CSF1: variants seen among roughly 807,000 people sequenced by gnomAD.
CSF1 encodes the protein macrophage colony-stimulating factor 1.
Under a neutral mutation model 48.9 loss-of-function variants are expected in CSF1, and 9 were observed. The observed-to-expected ratio is 0.18, with a 90% CI of 0.11 to 0.32. CSF1 has a LOEUF of 0.32. Ranked by LOEUF, CSF1 falls within the 10% of genes least tolerant of loss-of-function variation. CSF1 has a pLI of 1.00. For missense variants in CSF1, 672 were observed against 697.9 expected (o/e 0.96, Z 0.42); for synonymous variants, 305 against 284.1 (o/e 1.07, Z -0.74).
chr1:109,923,237 T>C lies in CSF1; in HGVS notation c.616T>C (p.Ser206Pro). 1 of 1,578,872 alleles carries C rather than the reference T, an allele frequency of 6.3e-7. No individual in the cohort carries two copies. Among genetic ancestry groups the C allele is most frequent in the African/African-American group, 1.4e-5 (1 of 73,820 alleles). Residue 206 changes from serine (S) to proline (P), a missense_variant, in exon 6 of 9, where the codon TCC (serine) becomes CCC (proline). Physicochemically the swap from Ser to Pro is moderately conservative, Grantham distance 74 (BLOSUM62 -1). Coordinates refer to ENST00000329608, the MANE Select transcript of CSF1 (RefSeq NM_000757.6). ...AIPSSDPASV[S>P]PHQPLAPSMA... ...CCCTAGCAGTGACCCGGCCTCTGTC[T>C]CCCCTCATCAGCCCCTCGCCCCCTC...
intron 4 of CSF1, among the ~76,000 whole-genome samples, chr1:109,920,581 T>A (rs1385270364): frequency 6.6e-6 from 1 of 152,166 alleles, no homozygotes; most frequent in African/African-American, 2.4e-5. Context: ...CCTCCCAACA[T>A]GCTGGGATTA....
At chr1:109,916,025 A>C (rs1030121162) in intron 3 of CSF1, among the ~76,000 whole-genome samples, 1 of 152,064 alleles carries the variant, frequency 6.6e-6, no homozygotes, top group Non-Finnish European at 1.5e-5. Flanking sequence ...TAGAGGCCTG[A>C]TTTGAATCCA....
At chr1:109,922,270 G>T in intron 5 of CSF1, 2 of 333,642 alleles carry the variant, frequency 6.0e-6, no homozygotes, top group Non-Finnish European at 1.1e-5. Context: ...TGAGATTAGG[G>T]AGTGGAAATG....
intron 8 of CSF1, among the ~76,000 whole-genome samples, chr1:109,927,680 T>G (rs1039149410): frequency 1.3e-5 from 2 of 152,260 alleles, no homozygotes; most frequent in East Asian, 1.9e-4. Flanking sequence ...GCCCGGCAGG[T>G]CCAGCCCTAA....
At chr1:109,919,448 C>G (rs1647415158) in intron 4 of CSF1, among the ~76,000 whole-genome samples, 1 of 152,138 alleles carries the variant, frequency 6.6e-6, no homozygotes, top group African/African-American at 2.4e-5. Flanking sequence ...AGGCTGGTCT[C>G]AAACTCCCAG....
At chr1:109,917,258 G>GGCCA (rs1647262114) in intron 3 of CSF1, 35 bp from the exon 4 acceptor site, 1 of 1,603,664 alleles carries the variant, frequency 6.2e-7, no homozygotes, top group African/African-American at 1.3e-5. Context: ...AGGCCACAAT[G>GGCCA]GCCAGGCCAT....
intron 1 of CSF1, among the ~76,000 whole-genome samples, chr1:109,912,974 C>G (rs1215887162): frequency 6.6e-6 from 1 of 152,166 alleles, no homozygotes; most frequent in Non-Finnish European, 1.5e-5. Context: ...TTCCATGGCT[C>G]CCACCCCTCT....
chr1:109,916,587 C>A (rs1359459415), intron 3 of CSF1, among the ~76,000 whole-genome samples: 1 of 152,224 alleles, frequency 6.6e-6, no homozygotes, highest in African/African-American at 2.4e-5. Flanking sequence ...ATCTATTCAT[C>A]TTTATGCCTC....
intron 4 of CSF1, 141 bp downstream of exon 4, chr1:109,917,604 C>A: frequency 1.2e-6 from 1 of 850,058 alleles, no homozygotes; most frequent in Non-Finnish European, 1.8e-6. Context: ...TGTCATCCCA[C>A]CAACCTTTAC....
At position 109,923,923 on chromosome 1, in the gene CSF1, G is replaced by A; in HGVS notation, c.1302G>A (p.Val434=). The A allele has an allele frequency of 6.2e-7, 1 of 1,614,146 alleles. No homozygotes were observed. Among genetic ancestry groups the A allele is most frequent in the Non-Finnish European group, 8.5e-7 (1 of 1,179,952 alleles). The part of the protein sequence containing the change: ...QLSRSHSSGS[V]LPLGELEGRR... ...CCAGAAGCCACTCCTCGGGCAGCGT[G>A]CTGCCCCTTGGGGAGCTGGAGGGCA... Residue 434 remains valine, a synonymous_variant, in exon 6 of 9, where the codon GTG becomes GTA. Coordinates refer to ENST00000329608, the MANE Select transcript of CSF1 (RefSeq NM_000757.6).
At chr1:109,911,993 G>A (rs1471408761) in intron 1 of CSF1, among the ~76,000 whole-genome samples, 1 of 152,026 alleles carries the variant, frequency 6.6e-6, no homozygotes, top group Non-Finnish European at 1.5e-5. Flanking sequence ...AAATGAGAGG[G>A]GAAACCTGGG....
chr1:109,922,720 C>CCTGTGG (rs3835719), intron 5 of CSF1, among the ~76,000 whole-genome samples: 10 of 151,762 alleles, frequency 6.6e-5, no homozygotes, highest in South Asian at 4.2e-4. Context: ...CCTGTTCCTG[C>CCTGTGG]CTGTGGCTGT....
rs1183106898 is a variant in CSF1 at position 109,924,055 on chromosome 1, C to T, written c.1434C>T (p.Asp478=). 3 of 1,614,114 alleles carry T rather than the reference C, an allele frequency of 1.9e-6. No homozygotes were observed. The highest frequency in any genetic ancestry group is 2.5e-6 in the Non-Finnish European group (3 of 1,180,042). The change falls in exon 6 of 9, where the codon GAC becomes GAT. Residue 478 remains aspartate, a synonymous_variant. Transcript: ENST00000329608. The part of the protein sequence containing the change: ...LPRFNSVPLT[D]TGHERQSEGS... ...GTTTTAACTCCGTTCCTTTGACTGA[C>T]ACAGGCCATGAGAGGCAGTCCGAGG...
rs202069343 is a variant in CSF1, at chr1:109,921,812, C to T, written c.397-35C>T. 4 of 1,522,516 alleles carry T rather than the reference C, an allele frequency of 2.6e-6. No homozygotes were observed. The East Asian group carries it at 7.1e-5, about 27-fold the overall frequency. The allele number at this position is 1,522,516 out of a possible 1,614,324, so 94.3% of individuals were successfully genotyped here. On this transcript the variant is annotated intron_variant, in intron 4 of 8. Coordinates refer to ENST00000329608, the MANE Select transcript of CSF1 (RefSeq NM_000757.6). ...AAGATGGAGACATGGGGCCAATGGT[C>T]ATGCTCACAAAAGGGGGCCCTGATC...
chr1:109,915,753 G>C (rs1270474720), intron 3 of CSF1, 57 bp downstream of exon 3: 3 of 1,382,768 alleles, frequency 2.2e-6, no homozygotes, highest in Non-Finnish European at 3.1e-6. Flanking sequence ...CTCCCAGGGT[G>C]GGGTGTGTGG....
chr1:109,912,312 G>A lies in CSF1; in HGVS notation c.39+1250G>A, dbSNP rs534282183. ...AAGATGAAATGGAATAGGATAGGTG[G>A]CAGAGGAGGCTGGACAGCTGGACTG... On this transcript the variant is annotated intron_variant, in intron 1 of 8. Transcript: ENST00000329608. Among the ~76,000 whole-genome samples, 6 of 152,244 alleles carry A rather than the reference G, an allele frequency of 3.9e-5. No homozygotes were observed. The South Asian group carries it at 1.2e-3, about 32-fold the overall frequency.
At chr1:109,925,005 T>G (rs577644582) in intron 7 of CSF1, 142 bp from the exon 8 acceptor site, 2 of 1,048,050 alleles carry the variant, frequency 1.9e-6, no homozygotes, top group Non-Finnish European at 3.0e-6. Flanking sequence ...TTTCCTGATT[T>G]CTCCGTAGAG....
At chr1:109,923,025 C>T (rs1225062913) in intron 5 of CSF1, 141 bp from the exon 6 acceptor site, 6 of 761,316 alleles carry the variant, frequency 7.9e-6, no homozygotes, top group East Asian at 5.5e-5. Context: ...ATCCTCTTCT[C>T]AGCCCCAGGG....
chr1:109,912,835 A>G (rs1161494723), intron 1 of CSF1, among the ~76,000 whole-genome samples: 1 of 152,046 alleles, frequency 6.6e-6, no homozygotes, highest in African/African-American at 2.4e-5. Flanking sequence ...CAACCTCCCC[A>G]ACAGAGCCTG....
Sources: gnomAD v4.1 joint callset for allele counts (sites outside exome capture counted in the v4.1 genomes callset) on GRCh38, gnomAD v4.1.1 for gene constraint, MANE v1.5 for transcripts, NCBI Gene and HGNC (gene_info 2026-07-23, HGNC 2026-07-21) for gene names.